ZNF407: variants seen among roughly 807,000 people sequenced by gnomAD.
ZNF407 encodes zinc finger protein 407.
A neutral mutation model predicts 131.2 loss-of-function variants in ZNF407; 17 were observed. The ratio of observed to expected loss-of-function variants is 0.13; its 90% CI spans 0.09 to 0.19. The LOEUF (loss-of-function observed/expected upper bound fraction) is 0.19. Ranked by LOEUF, ZNF407 falls within the 10% of genes least tolerant of loss-of-function variation. The probability of loss-of-function intolerance (pLI) is 1.00; values close to 1 mark genes in which losing one functional copy is unlikely to be tolerated. For synonymous variants in ZNF407, 1,156 were observed against 1,062.0 expected (o/e 1.09, Z -1.72); for missense variants, 2,681 against 2,830.6 (o/e 0.95, Z 1.20).
At chr18:74,689,382 G>A (rs1054751140) in intron 3 of ZNF407, among the ~76,000 whole-genome samples, 1 of 152,140 alleles carries the variant, frequency 6.6e-6, no homozygotes, top group African/African-American at 2.4e-5. Context: ...CTGTACCAAC[G>A]TTTGAGAGTA....
Position 75,064,699 on chromosome 18 carries a change from G to T in ZNF407, c.*231G>T. 1 of 444,116 alleles carries T rather than the reference G, an allele frequency of 2.3e-6. No individual in the cohort carries two copies. Among genetic ancestry groups the T allele is most frequent in the Middle Eastern group, 5.8e-4 (1 of 1,726 alleles). 27.5% of individuals were successfully genotyped at this position (444,116 alleles called of 1,614,324 possible). A position where few individuals can be genotyped will look rare whatever the true frequency, so the allele number is the denominator to read the frequency against. ...AGGCTGCCAAGTGCAGGGGAGGGCC[G>T]GGCGCAGGCCGCACAGGGAGCTCCG... is the stretch of plus-strand genomic sequence containing the variant. On this transcript the variant is annotated 3_prime_UTR_variant, in exon 9 of 9. Coordinates refer to ENST00000299687, the MANE Select transcript of ZNF407 (RefSeq NM_017757.3).
intron 4 of ZNF407, among the ~76,000 whole-genome samples, chr18:74,824,224 G>T (rs1970379180): frequency 6.6e-6 from 1 of 152,178 alleles, no homozygotes; most frequent in Non-Finnish European, 1.5e-5. Flanking sequence ...TGTGTAGAGG[G>T]AAATTTATAG....
chr18:75,064,874 T>G lies in ZNF407; in HGVS notation c.*406T>G, dbSNP rs1326618114. The G allele has an allele frequency of 1.8e-5, 3 of 165,744 alleles. No individual in the cohort carries two copies. The highest frequency in any genetic ancestry group is 4.8e-5 in the African/African-American group (2 of 41,984). The allele number at this position is 165,744 out of a possible 1,614,324, so 10.3% of individuals were successfully genotyped here. A position where few individuals can be genotyped will look rare whatever the true frequency, so the allele number is the denominator to read the frequency against. Reference sequence around the variant, plus strand: ...ATGGCCGTGGGGAAAGTGGTGAAGATACCCCTCCTGGCTTGGGGTGCACCT... The same window carrying G: ...ATGGCCGTGGGGAAAGTGGTGAAGAGACCCCTCCTGGCTTGGGGTGCACCT... On this transcript the variant is annotated 3_prime_UTR_variant, in exon 9 of 9. Transcript: ENST00000299687.
intron 3 of ZNF407, among the ~76,000 whole-genome samples, chr18:74,731,511 G>A (rs570490732): frequency 1.8e-4 from 28 of 152,250 alleles, no homozygotes; most frequent in South Asian, 1.7e-3. Flanking sequence ...TAAGCCTGTT[G>A]AGGTTAAACC....
At chr18:75,019,239 A>G (rs938188783) in intron 8 of ZNF407, among the ~76,000 whole-genome samples, 1 of 152,234 alleles carries the variant, frequency 6.6e-6, no homozygotes, top group African/African-American at 2.4e-5. Flanking sequence ...AAATACATAC[A>G]GAATACATAA....
intron 3 of ZNF407, among the ~76,000 whole-genome samples, chr18:74,706,131 T>A (rs1340924454): frequency 6.6e-6 from 1 of 152,218 alleles, no homozygotes; most frequent in Non-Finnish European, 1.5e-5. Flanking sequence ...GAGATGGTAA[T>A]ATGTTGACAA....
chr18:74,797,076 A>G (rs193146756), intron 4 of ZNF407, among the ~76,000 whole-genome samples: 13 of 152,292 alleles, frequency 8.5e-5, no homozygotes, highest in African/African-American at 2.9e-4. Context: ...GTAGGCAGGG[A>G]AGAGATAGAT....
At chr18:74,823,903 A>G (rs1970375115) in intron 4 of ZNF407, among the ~76,000 whole-genome samples, 1 of 152,200 alleles carries the variant, frequency 6.6e-6, no homozygotes, top group South Asian at 2.1e-4. Flanking sequence ...AATCAACAGA[A>G]TATACATTCT....
intron 4 of ZNF407, among the ~76,000 whole-genome samples, chr18:74,812,013 C>G (rs2084451966): frequency 6.9e-6 from 1 of 145,830 alleles, no homozygotes; most frequent in African/African-American, 2.8e-5. Flanking sequence ...CACATGTACC[C>G]TAAAACTTAA....
At chr18:74,769,625 T>TA (rs774214710) in intron 3 of ZNF407, among the ~76,000 whole-genome samples, 4 of 152,218 alleles carry the variant, frequency 2.6e-5, no homozygotes, top group Non-Finnish European at 5.9e-5. Flanking sequence ...ATTCAGACAT[T>TA]AATGATCTCA....
At chr18:75,031,992 T>C (rs1005579124) in intron 8 of ZNF407, among the ~76,000 whole-genome samples, 56 of 152,196 alleles carry the variant, frequency 3.7e-4, no homozygotes, top group Middle Eastern at 3.2e-3. Context: ...ATTTACATAA[T>C]TTAAATTCCC....
At chr18:74,791,913 A>G (rs570634048) in intron 4 of ZNF407, among the ~76,000 whole-genome samples, 1 of 152,302 alleles carries the variant, frequency 6.6e-6, no homozygotes, top group South Asian at 2.1e-4. Context: ...TTTCTTTTTC[A>G]TGATGGACTT....
At chr18:74,822,543 T>A (rs911192257) in intron 4 of ZNF407, among the ~76,000 whole-genome samples, 3 of 152,232 alleles carry the variant, frequency 2.0e-5, no homozygotes, top group African/African-American at 7.2e-5. Context: ...ATTGCTTGTT[T>A]TTGTCAGGTT....
chr18:74,971,555 A>T (rs1243881835), intron 8 of ZNF407, among the ~76,000 whole-genome samples: 2 of 152,212 alleles, frequency 1.3e-5, no homozygotes, highest in African/African-American at 4.8e-5. Flanking sequence ...AAAACGTAAC[A>T]AGAGTCACCT....
chr18:74,866,720 T>C (rs1236872533), intron 4 of ZNF407, among the ~76,000 whole-genome samples: 1 of 150,500 alleles, frequency 6.6e-6, no homozygotes. Flanking sequence ...TGTATGGAAT[T>C]TCCACTTGTT....
At chr18:74,668,155 A>G (rs1398276249) in intron 3 of ZNF407, among the ~76,000 whole-genome samples, 4 of 152,210 alleles carry the variant, frequency 2.6e-5, no homozygotes, top group African/African-American at 9.6e-5. Context: ...AACATTTTCC[A>G]CCTAACTTCG....
chr18:74,894,439 G>GA (rs1202580087), intron 7 of ZNF407, among the ~76,000 whole-genome samples: 5 of 151,776 alleles, frequency 3.3e-5, no homozygotes, highest in Middle Eastern at 3.4e-3. Flanking sequence ...GAATGAAATA[G>GA]AAAAAAAATT....
intron 7 of ZNF407, among the ~76,000 whole-genome samples, chr18:74,891,036 C>T (rs550779587): frequency 4.6e-5 from 7 of 152,256 alleles, no homozygotes; most frequent in Non-Finnish European, 8.8e-5. Context: ...GCGAAGCCTT[C>T]GTGCAGAAGA....
chr18:74,918,684 A>G (rs1052854479), intron 7 of ZNF407, among the ~76,000 whole-genome samples: 99 of 152,296 alleles, frequency 6.5e-4, no homozygotes, highest in African/African-American at 2.2e-3. Context: ...AATAGCTGGG[A>G]AAATATCTGT....
Sources: allele counts gnomAD v4.1 joint callset (sites outside exome capture counted in the v4.1 genomes callset), GRCh38; gene constraint gnomAD v4.1.1; transcripts MANE v1.5; gene names NCBI Gene and HGNC (gene_info 2026-07-23, HGNC 2026-07-21).